The following DAB2IP variants were observed in gnomAD, a reference collection of about 807,000 sequenced individuals.
DAB2IP encodes the protein disabled homolog 2-interacting protein.
Under a neutral mutation model 107.2 loss-of-function variants are expected in DAB2IP, and 28 were observed. The observed-to-expected ratio is 0.26, with a 90% confidence interval of 0.19 to 0.36. The LOEUF is 0.36. Among genes scored for constraint, DAB2IP ranks in the 10% least tolerant of loss-of-function variants. The pLI, the probability that DAB2IP is intolerant of heterozygous loss-of-function variation, is 1.00. For missense variants in DAB2IP, 1,400 were observed against 1,644.7 expected, an observed-to-expected ratio of 0.85 and a Z score of 2.57; for synonymous variants, 755 against 706.4, an observed-to-expected ratio of 1.07 and a Z score of -1.09.
intron 1 of DAB2IP, among the ~76,000 whole-genome samples, chr9:121,605,419 C>T (rs2118962291): frequency 6.6e-6 from 1 of 152,322 alleles, no homozygotes; most frequent in East Asian, 1.9e-4. Context: ...GGGAAAGCCA[C>T]CTGTCAGTGT....
intron 1 of DAB2IP, among the ~76,000 whole-genome samples, chr9:121,591,756 C>T (rs1830426268): frequency 2.6e-5 from 4 of 152,176 alleles, no homozygotes; most frequent in Admixed American, 2.6e-4. Context: ...GAATCATCTG[C>T]ATAAGGACAG....
At chr9:121,657,475 C>A (rs1833014949) in intron 1 of DAB2IP, among the ~76,000 whole-genome samples, 1 of 152,228 alleles carries the variant, frequency 6.6e-6, no homozygotes, top group Non-Finnish European at 1.5e-5. Context: ...CTGATTACCT[C>A]ATGTCTCATC....
intron 4 of DAB2IP, among the ~76,000 whole-genome samples, chr9:121,758,212 G>A (rs1013459244): frequency 6.6e-6 from 1 of 152,176 alleles, no homozygotes; most frequent in African/African-American, 2.4e-5. Flanking sequence ...ACACACAGCA[G>A]GAATTGCCCG....
intron 1 of DAB2IP, among the ~76,000 whole-genome samples, chr9:121,606,379 A>G (rs769596321): frequency 2.0e-5 from 3 of 151,896 alleles, no homozygotes; most frequent in Non-Finnish European, 4.4e-5. Context: ...TAATAATAAT[A>G]ATAATGTATG....
At chr9:121,693,846 G>A (rs57019692) in intron 2 of DAB2IP, among the ~76,000 whole-genome samples, 1,614 of 152,356 alleles carry the variant, frequency 0.011, 37 homozygotes, top group African/African-American at 0.037. Flanking sequence ...TATGTGCTAG[G>A]CATGTTGCTC....
chr9:121,678,434 G>A (rs570831628), intron 1 of DAB2IP, among the ~76,000 whole-genome samples: 50 of 152,334 alleles, frequency 3.3e-4, no homozygotes, highest in Middle Eastern at 6.8e-3. Context: ...GTGAACATTT[G>A]CATACAGGTA....
intron 3 of DAB2IP, among the ~76,000 whole-genome samples, chr9:121,728,740 T>C (rs1434171725): frequency 6.6e-6 from 1 of 151,864 alleles, no homozygotes; most frequent in East Asian, 1.9e-4. Flanking sequence ...GATTTCAACA[T>C]GCACTAGTGT....
rs1037672476 is a variant in DAB2IP at position 121,782,275 on chromosome 9, A to G, written c.3403-56A>G. The G allele has an allele frequency of 1.3e-6, 2 of 1,578,534 alleles. No homozygotes were observed. Among genetic ancestry groups the G allele is most frequent in the African/African-American group, 2.7e-5 (2 of 74,264 alleles). On this transcript the variant is annotated intron_variant, in intron 15 of 15. Transcript: ENST00000408936. The surrounding 1 kb of genome is among the most constrained non-coding windows in gnomAD (Gnocchi z 6.1). ...CTTCCCCGATGCTTGTCGTAGGTAT[A>G]CACAGCCCTAAGGAGCCTGTCCCAT...
Position 121,782,593 on chromosome 9 carries a change from C to T in DAB2IP, c.*95C>T. The T allele has an allele frequency of 3.2e-6, 5 of 1,545,082 alleles. No individual in the cohort carries two copies. Among genetic ancestry groups the T allele is most frequent in the Non-Finnish European group, 4.4e-6 (5 of 1,143,306 alleles). Reference sequence around the variant, plus strand: ...TGGGGAGGCACCCACGGTTGCAGCCCCAGCGCGGGTGTCAGGAGGCCGAGC... The same window carrying T: ...TGGGGAGGCACCCACGGTTGCAGCCTCAGCGCGGGTGTCAGGAGGCCGAGC... On this transcript the variant is annotated 3_prime_UTR_variant, in exon 16 of 16. Coordinates refer to ENST00000408936, the Ensembl canonical transcript of DAB2IP. This position sits in a 1 kb window ranked among gnomAD's most constrained non-coding sequence, Gnocchi z 6.1.
chr9:121,783,218 A>G, exon 16 of DAB2IP: 27 of 1,151,052 alleles, frequency 2.3e-5, no homozygotes, highest in Non-Finnish European at 2.8e-5. Flanking sequence ...AGTGAGGGCC[A>G]TGGCTTTTTC....
intron 1 of DAB2IP, among the ~76,000 whole-genome samples, chr9:121,624,821 C>A (rs1161985713): frequency 6.6e-6 from 1 of 152,218 alleles, no homozygotes; most frequent in Admixed American, 6.5e-5. Context: ...TACCTACCTT[C>A]TGGAATTACT....
intron 3 of DAB2IP, among the ~76,000 whole-genome samples, chr9:121,723,822 CCA>C (rs1362516018): frequency 6.6e-6 from 1 of 152,154 alleles, no homozygotes; most frequent in African/African-American, 2.4e-5. Flanking sequence ...GCTGGTGAGC[CCA>C]CTCGGGGTGG....
At position 121,776,118 on chromosome 9, in the gene DAB2IP, C is replaced by T; in HGVS notation, c.3121-80C>T. 2 of 1,501,118 alleles carry T rather than the reference C, an allele frequency of 1.3e-6. No individual in the cohort carries two copies. The highest frequency in any genetic ancestry group is 1.4e-5 in the African/African-American group (1 of 71,836). 93.0% of individuals were successfully genotyped at this position (1,501,118 alleles called of 1,614,324 possible). ...GCCTTTCAAGTGGGGCTCCCTCCTA[C>T]CCTTCCTCCCACTCGGGCTGACGAA... is the stretch of plus-strand genomic sequence containing the variant. On this transcript the variant is annotated intron_variant, in intron 13 of 15. Transcript: ENST00000408936. The surrounding 1 kb of genome is among the most constrained non-coding windows in gnomAD (Gnocchi z 5.4).
Position 121,776,141 on chromosome 9 carries a change from G to A in DAB2IP, c.3121-57G>A, listed in dbSNP as rs1366203130. 10 of 1,543,204 alleles carry A rather than the reference G, an allele frequency of 6.5e-6. No homozygotes were observed. Among genetic ancestry groups the A allele is most frequent in the African/African-American group, 4.1e-5 (3 of 72,696 alleles). On this transcript the variant is annotated intron_variant, in intron 13 of 15. Coordinates refer to ENST00000408936, the Ensembl canonical transcript of DAB2IP. The surrounding 1 kb of genome is among the most constrained non-coding windows in gnomAD (Gnocchi z 5.4). ...TACCCTTCCTCCCACTCGGGCTGAC[G>A]AAGCTGTGCTCTCTGTGTCCTGGGT...
At chr9:121,765,978 T>A (rs1463204490) in intron 8 of DAB2IP, among the ~76,000 whole-genome samples, 3 of 152,226 alleles carry the variant, frequency 2.0e-5, no homozygotes, top group Non-Finnish European at 2.9e-5. Context: ...CCTGGATTCC[T>A]GTGACATTAT....
chr9:121,768,916 C>G (rs896232504), intron 10 of DAB2IP, among the ~76,000 whole-genome samples: 1 of 152,206 alleles, frequency 6.6e-6, no homozygotes, highest in African/African-American at 2.4e-5. Context: ...TGCTGCCTGC[C>G]AGAGCATGTG....
rs1285394272 is a variant in DAB2IP, at chr9:121,588,136, CTACCCATCCCCTTAGCGGCAAACCT to C, written c.40+20912_40+20936del. 2.6e-5 allele frequency among the ~76,000 whole-genome samples: 4 copies of C among 152,288 alleles called. No homozygotes were observed. In the East Asian group the frequency reaches 7.7e-4, roughly 29 times the overall value. Reference sequence around the variant, plus strand: ...CTTTCTTAGGTAATTGTTTTACTATCTACCCATCCCCTTAGCGGCAAACCTTACTTCTGGCTGCATAGGGAAAAAA... The same window carrying C: ...CTTTCTTAGGTAATTGTTTTACTATCTACTTCTGGCTGCATAGGGAAAAAA... On this transcript the variant is annotated intron_variant, in intron 1 of 16. Coordinates refer to the DAB2IP transcript ENST00000259371.
chr9:121,629,620 GC>G (rs540640561), intron 1 of DAB2IP, among the ~76,000 whole-genome samples: 29 of 152,260 alleles, frequency 1.9e-4, no homozygotes, highest in Non-Finnish European at 3.2e-4. Context: ...GGCCCCTGAA[GC>G]CCCGAGCTGG....
At chr9:121,780,805 G>C (rs192810452) in intron 14 of DAB2IP, among the ~76,000 whole-genome samples, 1 of 152,294 alleles carries the variant, frequency 6.6e-6, no homozygotes, top group East Asian at 1.9e-4. Flanking sequence ...GAGCTTCCGC[G>C]GGTGGTATGT....
Sources: allele counts gnomAD v4.1 joint callset (sites outside exome capture counted in the v4.1 genomes callset), GRCh38; gene constraint gnomAD v4.1.1; non-coding constraint Gnocchi (gnomAD v3.1); transcripts MANE v1.5; gene names NCBI Gene and HGNC (gene_info 2026-07-23, HGNC 2026-07-21).